Variants in SHLD1 observed in about 807,000 individuals in gnomAD.
SHLD1 encodes the protein RINN1-REV7-interacting novel NHEJ regulator 3.
A neutral mutation model predicts 5.5 loss-of-function variants in SHLD1; 3 were observed. The ratio of observed to expected loss-of-function variants is 0.54; its 90% confidence interval spans 0.25 to 1.40. The LOEUF is 1.40. SHLD1 is among the 40% of genes most tolerant of loss of function. The pLI, the probability that SHLD1 is intolerant of heterozygous loss-of-function variation, is 0.15. For missense variants in SHLD1, 210 were observed against 244.4 expected (o/e 0.86, Z 0.94); for synonymous variants, 92 against 94.3 (o/e 0.98, Z 0.14).
At chr20:5,771,173 C>T (rs1276690624) in intron 1 of SHLD1, among the ~76,000 whole-genome samples, 3 of 152,114 alleles carry the variant, frequency 2.0e-5, no homozygotes, top group African/African-American at 7.2e-5. Context: ...CTGGTACTTT[C>T]CAGTCTTTTC....
chr20:5,784,624 A>G (rs909540999), intron 2 of SHLD1, among the ~76,000 whole-genome samples: 8 of 151,184 alleles, frequency 5.3e-5, no homozygotes, highest in East Asian at 3.9e-4. Context: ...CTAATTTTTT[A>G]TATTTTTAGT....
At chr20:5,862,572 A>G (rs531392003) in intron 2 of SHLD1, among the ~76,000 whole-genome samples, 22 of 152,314 alleles carry the variant, frequency 1.4e-4, no homozygotes, top group African/African-American at 5.3e-4. Flanking sequence ...GCACCTTCCC[A>G]GTTTGGGGGT....
chr20:5,798,509 A>G (rs1310627329), intron 2 of SHLD1, among the ~76,000 whole-genome samples: 3 of 151,940 alleles, frequency 2.0e-5, no homozygotes, highest in Non-Finnish European at 2.9e-5. Flanking sequence ...TCACCGTGTT[A>G]GCCAGGATGG....
At chr20:5,847,863 C>T (rs1441093013) in intron 2 of SHLD1, among the ~76,000 whole-genome samples, 2 of 152,118 alleles carry the variant, frequency 1.3e-5, no homozygotes, top group Admixed American at 6.6e-5. Flanking sequence ...ACATTCCCTT[C>T]GATTCCATAA....
At chr20:5,791,393 G>A (rs979465481) in intron 2 of SHLD1, among the ~76,000 whole-genome samples, 6 of 151,770 alleles carry the variant, frequency 4.0e-5, no homozygotes, top group East Asian at 1.9e-4. Context: ...GCGAAACCTC[G>A]TCTCTACAAA....
At chr20:5,828,983 C>T (rs572892214) in intron 2 of SHLD1, among the ~76,000 whole-genome samples, 4 of 152,268 alleles carry the variant, frequency 2.6e-5, no homozygotes, top group Admixed American at 2.0e-4. Context: ...AGGTGATTCT[C>T]CCACCTCAGC....
chr20:5,767,106 A>G (rs1178519058), intron 1 of SHLD1, among the ~76,000 whole-genome samples: 3 of 148,826 alleles, frequency 2.0e-5, no homozygotes, highest in Admixed American at 6.9e-5. Flanking sequence ...CCTCTTTAAC[A>G]CATTTCTCCA....
intron 1 of SHLD1, among the ~76,000 whole-genome samples, chr20:5,753,494 C>G (rs193214954): frequency 2.0e-5 from 3 of 152,076 alleles, no homozygotes; most frequent in Admixed American, 2.0e-4. Context: ...AAAAGCAGCC[C>G]CAAATCATTT....
chr20:5,843,464 C>T (rs2087891532), intron 2 of SHLD1, among the ~76,000 whole-genome samples: 1 of 151,830 alleles, frequency 6.6e-6, no homozygotes, highest in African/African-American at 2.4e-5. Flanking sequence ...CACTTTTTCT[C>T]TGGTGGCGTA....
At chr20:5,759,250 G>A (rs1246594325) in intron 1 of SHLD1, among the ~76,000 whole-genome samples, 2 of 151,738 alleles carry the variant, frequency 1.3e-5, no homozygotes, top group Non-Finnish European at 2.9e-5. Context: ...ACGGTGCCCA[G>A]CCGACACCTT....
At chr20:5,826,703 C>T (rs1326823513) in intron 2 of SHLD1, among the ~76,000 whole-genome samples, 2 of 152,184 alleles carry the variant, frequency 1.3e-5, no homozygotes, top group African/African-American at 2.4e-5. Context: ...ATCTGAACTT[C>T]ACCACTTACT....
intron 2 of SHLD1, among the ~76,000 whole-genome samples, chr20:5,795,029 A>T (rs773539433): frequency 6.6e-6 from 1 of 152,044 alleles, no homozygotes; most frequent in Non-Finnish European, 1.5e-5. Flanking sequence ...ATCTGAGGTC[A>T]GGAGTTCGGG....
Position 5,854,661 on chromosome 20 carries a change from A to T in SHLD1, c.179-8363A>T, listed in dbSNP as rs115385642. On this transcript the variant is annotated intron_variant, in intron 2 of 2. Coordinates refer to ENST00000303142, the MANE Select transcript of SHLD1 (RefSeq NM_152504.4). ...GTGGGAGAAATGTAATTTTTAAAAA[A>T]TATGATAAAATGCACATAACATGAA... is the stretch of plus-strand genomic sequence containing the variant. Among the ~76,000 whole-genome samples, 761 of 152,304 alleles carry T rather than the reference A, an allele frequency of 5.0e-3. 8 individuals are homozygous for T. The highest frequency in any genetic ancestry group is 0.018 in the African/African-American group (732 of 41,570).
chr20:5,782,457 G>A (rs2087000623), intron 2 of SHLD1, among the ~76,000 whole-genome samples: 2 of 152,238 alleles, frequency 1.3e-5, no homozygotes, highest in South Asian at 2.1e-4. Context: ...CTCTGAAGTC[G>A]TTGTTAGACA....
intron 1 of SHLD1, among the ~76,000 whole-genome samples, chr20:5,761,674 A>G (rs1214030784): frequency 6.8e-6 from 1 of 146,752 alleles, no homozygotes; most frequent in African/African-American, 2.5e-5. Flanking sequence ...GTGGTGTGAT[A>G]TCGGCTCACT....
At position 5,855,895 on chromosome 20, in the gene SHLD1, GAA is replaced by G. The variant is rs1376168850; in HGVS notation, c.179-7127_179-7126del. Among the ~76,000 whole-genome samples the G allele has an allele frequency of 3.3e-5, 5 of 152,164 alleles. No homozygotes were observed. The highest frequency in any genetic ancestry group is 9.7e-5 in the African/African-American group (4 of 41,438). ...GCCATATGACTTCACGTTAGCCAGT[GAA>G]ATATGAACAGAAGTAATAGAGCTGT... On this transcript the variant is annotated intron_variant, in intron 2 of 2. Coordinates refer to ENST00000303142, the MANE Select transcript of SHLD1 (RefSeq NM_152504.4). This position sits in a 1 kb window ranked among gnomAD's most constrained non-coding sequence, Gnocchi z 4.4.
intron 2 of SHLD1, among the ~76,000 whole-genome samples, chr20:5,800,420 G>A (rs962303934): frequency 1.3e-5 from 2 of 152,128 alleles, no homozygotes; most frequent in Non-Finnish European, 1.5e-5. Flanking sequence ...AGGGCCGGGC[G>A]TGGTGGCTCA....
intron 2 of SHLD1, among the ~76,000 whole-genome samples, chr20:5,812,830 A>C (rs2087477696): frequency 6.6e-6 from 1 of 152,164 alleles, no homozygotes. Context: ...CACAGTGAAC[A>C]AAATAGACAA....
chr20:5,791,250 C>G (rs951123741), intron 2 of SHLD1, among the ~76,000 whole-genome samples: 3 of 151,298 alleles, frequency 2.0e-5, no homozygotes, highest in African/African-American at 7.3e-5. Context: ...AAAATCTTAG[C>G]AAATAAATAA....
Sources: allele counts gnomAD v4.1 joint callset (sites outside exome capture counted in the v4.1 genomes callset), GRCh38; gene constraint gnomAD v4.1.1; non-coding constraint Gnocchi (gnomAD v3.1); transcripts MANE v1.5; gene names NCBI Gene and HGNC (gene_info 2026-07-23, HGNC 2026-07-21).